Variants in MYH11 observed in about 807,000 individuals in gnomAD.
MYH11 encodes myosin-11.
In MYH11, 80 loss-of-function variants were observed where a neutral mutation model predicts 246.6. The ratio of observed to expected loss-of-function variants is 0.32; its 90% CI spans 0.27 to 0.39. The LOEUF is 0.39. MYH11 is among the 10% of genes least tolerant of loss of function. MYH11 has a pLI of 1.00. For synonymous variants in MYH11, 1,071 were observed against 1,015.5 expected, an observed-to-expected ratio of 1.05 and a Z score of -1.04; for missense variants, 2,158 against 2,546.8, an observed-to-expected ratio of 0.85 and a Z score of 3.29.
At chr16:15,709,537 ACTC>A (rs2039662562) in intron 40 of MYH11, among the ~76,000 whole-genome samples, 1 of 151,864 alleles carries the variant, frequency 6.6e-6, no homozygotes, top group Admixed American at 6.6e-5. Flanking sequence ...CTGGTCTCGA[ACTC>A]CTGACCTCAA....
At chr16:15,760,403 T>C in intron 11 of MYH11, 137 bp downstream of exon 11, 1 of 777,394 alleles carries the variant, frequency 1.3e-6, no homozygotes. Flanking sequence ...GGTAGAAAGA[T>C]GGATGGATGG....
chr16:15,839,358 A>T (rs1596939471), intron 1 of MYH11, among the ~76,000 whole-genome samples: 1 of 152,146 alleles, frequency 6.6e-6, no homozygotes, highest in Non-Finnish European at 1.5e-5. Context: ...AATACGAAAA[A>T]CTATTAGGCT....
intron 9 of MYH11, among the ~76,000 whole-genome samples, chr16:15,769,895 A>G (rs1400884411): frequency 2.0e-5 from 3 of 152,150 alleles, no homozygotes; most frequent in African/African-American, 7.2e-5. Context: ...TCCTGGGCTC[A>G]AGCAATCCTC....
chr16:15,850,106 C>A (rs959440078), intron 1 of MYH11, among the ~76,000 whole-genome samples: 1 of 152,194 alleles, frequency 6.6e-6, no homozygotes, highest in Admixed American at 6.5e-5. Context: ...TAAATTAGGC[C>A]GGGCATGGTG....
intron 33 of MYH11, 95 bp from the exon 34 acceptor site, chr16:15,720,407 C>T: frequency 6.7e-7 from 1 of 1,495,348 alleles, no homozygotes; most frequent in Non-Finnish European, 9.1e-7. Context: ...TTCCCCAGCA[C>T]AGCCCCCTTG....
intron 3 of MYH11, among the ~76,000 whole-genome samples, chr16:15,821,091 C>T (rs919429672): frequency 4.6e-5 from 7 of 152,286 alleles, no homozygotes; most frequent in Admixed American, 1.3e-4. Context: ...AGGCTGGTCT[C>T]GAACTCATGA....
Position 15,778,783 on chromosome 16 carries a change from T to C in MYH11, c.787A>G (p.Thr263Ala). The C allele has an allele frequency of 6.2e-7, 1 of 1,614,006 alleles. No homozygotes were observed. The highest frequency in any genetic ancestry group is 8.5e-7 in the Non-Finnish European group (1 of 1,179,976). Residue 263 changes from threonine to alanine, a missense_variant, in exon 7 of 41, where the codon ACC becomes GCC. This residue lies in a region of MYH11 where 123 missense variants were observed against 207.1 expected (regional missense o/e 0.59). Coordinates refer to ENST00000300036, the MANE Select transcript of MYH11 (RefSeq NM_002474.3). ...CCCAGGCTCAGGGAAAGGATACAGG[T>C]CTCAATGTTGGCTCCCACGATGTAA... ...TGYIVGANIE[T>A]YLLEKSRAIR...
chr16:15,718,542 G>A (rs759616825), intron 36 of MYH11, 104 bp from the exon 37 acceptor site: 45 of 1,444,074 alleles, frequency 3.1e-5, no homozygotes, highest in Admixed American at 6.6e-5. Context: ...ATCATCTAAT[G>A]GGTGAAACTG....
chr16:15,818,830 AAATT>A (rs765684729), intron 3 of MYH11, among the ~76,000 whole-genome samples: 7 of 152,338 alleles, frequency 4.6e-5, no homozygotes, highest in Non-Finnish European at 8.8e-5. Flanking sequence ...GTTAACATTT[AAATT>A]AAGTAAAGAG....
chr16:15,744,199 A>AT lies in MYH11; in HGVS notation c.2520+929dup, dbSNP rs541283455. Among the ~76,000 whole-genome samples, 62 of 150,340 alleles carry AT rather than the reference A, an allele frequency of 4.1e-4. No individual in the cohort carries two copies. The East Asian group carries it at 4.7e-3, about 11-fold the overall frequency. Reference sequence around the variant, plus strand: ...ATTCCATGTATAGAATATTTGTTTTATTTTTTTTTGAGACGGAGTCTCGCT... The same window carrying AT: ...ATTCCATGTATAGAATATTTGTTTTATTTTTTTTTTGAGACGGAGTCTCGCT... On this transcript the variant is annotated intron_variant, in intron 20 of 40. Coordinates refer to ENST00000300036, the MANE Select transcript of MYH11 (RefSeq NM_002474.3).
At chr16:15,705,797 T>C (rs1053072407) in intron 40 of MYH11, among the ~76,000 whole-genome samples, 3 of 151,690 alleles carry the variant, frequency 2.0e-5, no homozygotes, top group East Asian at 1.9e-4. Context: ...CTGGCTAACA[T>C]GGTGAAACCG....
Position 15,822,009 on chromosome 16 carries a change from G to A in MYH11, c.502+1246C>T, listed in dbSNP as rs548601868. On this transcript the variant is annotated intron_variant, in intron 3 of 40. Coordinates refer to ENST00000300036, the MANE Select transcript of MYH11 (RefSeq NM_002474.3). ...ACAGCTCCAAGATTGCCTTTGCAAG[G>A]CTCCACCTGCTGGTCTTTGGAGGTA... Among the ~76,000 whole-genome samples, 10 of 152,340 alleles carry A rather than the reference G, an allele frequency of 6.6e-5. No homozygotes were observed. The East Asian group carries it at 1.5e-3, about 24-fold the overall frequency.
chr16:15,741,508 G>C lies in MYH11; in HGVS notation c.2814C>G (p.Gly938=), dbSNP rs1325652306. 24 of 1,609,176 alleles carry C rather than the reference G, an allele frequency of 1.5e-5. No homozygotes were observed. Among genetic ancestry groups the C allele is most frequent in the Non-Finnish European group, 1.9e-5 (23 of 1,180,002 alleles). The change falls in exon 22 of 41, where the codon GGC becomes GGG. Residue 938 remains glycine, a synonymous_variant. Transcript: ENST00000300036. ...EARLEEEEDR[G]QQLQAERKKM... ...TCTTCCTTTCAGCCTGTAGCTGCTG[G>C]CCCCTGTCTTCCTCCTCCTCCAGGC...
chr16:15,750,468 AG>A lies in MYH11; in HGVS notation c.1865-138del. The A allele has an allele frequency of 1.2e-6, 1 of 838,216 alleles. No individual in the cohort carries two copies. The highest frequency in any genetic ancestry group is 1.6e-5 in the South Asian group (1 of 64,154). The allele number at this position is 838,216 out of a possible 1,614,324, so 51.9% of individuals were successfully genotyped here. The stretch of plus-strand genomic sequence containing the variant: ...ATCACCAACGCCTCCTTCGGCAGTC[AG>A]GGTTTCCAAGTATTGTCTATTGGGG... On this transcript the variant is annotated intron_variant, in intron 15 of 40. Transcript: ENST00000300036. This position sits in a 1 kb window ranked among gnomAD's most constrained non-coding sequence, Gnocchi z 4.3.
intron 3 of MYH11, among the ~76,000 whole-genome samples, chr16:15,804,618 TC>T (rs2042967624): frequency 6.6e-6 from 1 of 152,186 alleles, no homozygotes; most frequent in African/African-American, 2.4e-5. Flanking sequence ...TTTATCTAGT[TC>T]TAAAATATTC....
chr16:15,715,012 G>A lies in MYH11; in HGVS notation c.5683C>T (p.Arg1895Cys), dbSNP rs992494235. The change falls in exon 40 of 41, where the codon CGC becomes TGC. Residue 1895 changes from arginine (R) to cysteine (C), a missense_variant. This residue lies in a region of MYH11 where 1,013 missense variants were observed against 993.5 expected (regional missense o/e 1.02). Transcript: ENST00000300036. ...AGCTTCCTGCGGTTGGCGTTGATGCGCTGGGACTCCTCCTCTGCCTCCTCC... is the reference window on the plus strand; with the variant it reads ...AGCTTCCTGCGGTTGGCGTTGATGCACTGGGACTCCTCCTCTGCCTCCTCC... ...QLEEAEEESQ[R>C]INANRRKLQR... The A allele has an allele frequency of 3.1e-6, 5 of 1,613,924 alleles. No individual in the cohort carries two copies. Among genetic ancestry groups the A allele is most frequent in the East Asian group, 2.2e-5 (1 of 44,874 alleles).
intron 40 of MYH11, among the ~76,000 whole-genome samples, chr16:15,710,771 G>C (rs2039741157): frequency 6.6e-6 from 1 of 152,020 alleles, no homozygotes; most frequent in Non-Finnish European, 1.5e-5. Context: ...CCTCCTCCTG[G>C]GTTGCAAAGG....
intron 1 of MYH11, among the ~76,000 whole-genome samples, chr16:15,854,679 A>G (rs970354103): frequency 1.3e-5 from 2 of 152,172 alleles, no homozygotes; most frequent in African/African-American, 4.8e-5. Flanking sequence ...AAATTTGCTT[A>G]TGGCCTTCTA....
At chr16:15,707,218 G>GGA (rs1047774554) in intron 40 of MYH11, among the ~76,000 whole-genome samples, 2 of 152,080 alleles carry the variant, frequency 1.3e-5, no homozygotes, top group African/African-American at 4.8e-5. Flanking sequence ...TGTATTTTTA[G>GGA]GAGAGACGGG....
Sources: allele counts gnomAD v4.1 joint callset (sites outside exome capture counted in the v4.1 genomes callset), GRCh38; gene constraint gnomAD v4.1.1; regional missense constraint gnomAD v4.1.1; non-coding constraint Gnocchi (gnomAD v3.1); transcripts MANE v1.5; gene names NCBI Gene and HGNC (gene_info 2026-07-23, HGNC 2026-07-21).